Variants in CHD6 observed in about 807,000 individuals in gnomAD.
CHD6 encodes chromodomain helicase DNA binding protein 6, also known as ATP-dependent chromatin remodeler CHD6.
In CHD6, 50 loss-of-function variants were observed where a neutral mutation model predicts 276.9. That is an observed-to-expected ratio of 0.18 (90% confidence interval 0.14 to 0.23). The LOEUF (loss-of-function observed/expected upper bound fraction) is 0.23, where lower values mean the gene tolerates loss of function less well. Among genes scored for constraint, CHD6 ranks in the 10% least tolerant of loss-of-function variants. CHD6 has a pLI of 1.00. For synonymous variants in CHD6, 1,173 were observed against 1,229.3 expected, an observed-to-expected ratio of 0.95 and a Z score of 0.96; for missense variants, 2,564 against 3,365.8, an observed-to-expected ratio of 0.76 and a Z score of 5.89.
At chr20:41,464,441 A>T (rs1463412493) in intron 17 of CHD6, among the ~76,000 whole-genome samples, 3 of 152,208 alleles carry the variant, frequency 2.0e-5, no homozygotes, top group Non-Finnish European at 4.4e-5. Context: ...GCAATTCTAA[A>T]ACTACTTGAT....
At chr20:41,457,538 G>A in intron 17 of CHD6, 110 bp from the exon 18 acceptor site, 1 of 1,269,334 alleles carries the variant, frequency 7.9e-7, no homozygotes. Flanking sequence ...CCAACTCTCG[G>A]TTACAAGTAA....
rs773881880 is a variant in CHD6 at position 41,421,687 on chromosome 20, T to C, written c.4948A>G (p.Arg1650Gly). ...YESLTYSQMS[R>G]TSESLENEPE... is the part of the protein sequence containing the mutation. Reference sequence around the variant, plus strand: ...TCATTTTCAAGGGACTCTGAAGTCCTACTCATTTGAGAATATGTAAGAGAT... The same window carrying C: ...TCATTTTCAAGGGACTCTGAAGTCCCACTCATTTGAGAATATGTAAGAGAT... Residue 1650 changes from arginine (R) to glycine (G), a missense_variant, in exon 31 of 37, where the codon AGG becomes GGG. This residue lies in a region of CHD6 where 1,024 missense variants were observed against 1,047.9 expected (regional missense o/e 0.98). Coordinates refer to ENST00000373233, the MANE Select transcript of CHD6 (RefSeq NM_032221.5). 3.7e-6 allele frequency: 6 copies of C among 1,613,844 alleles called. No individual in the cohort carries two copies. Among genetic ancestry groups the C allele is most frequent in the Non-Finnish European group, 5.1e-6 (6 of 1,179,776 alleles).
Position 41,420,860 on chromosome 20 carries a change from C to T in CHD6, c.5775G>A (p.Gly1925=). 6.2e-7 allele frequency: 1 copy of T among 1,614,188 alleles called. No homozygotes were observed. Among genetic ancestry groups the T allele is most frequent in the Non-Finnish European group, 8.5e-7 (1 of 1,180,022 alleles). The change falls in exon 31 of 37, where the codon GGG becomes GGA. Residue 1925 remains glycine, a synonymous_variant. Transcript: ENST00000373233. ...CTGGAGCGGGGAAAGCCCTCTGTAG[C>T]CCAGGAGTCTGGTTTGCCACCTCTA... ...GSLEVANQTP[G]LQRAFPAPAA...
intron 5 of CHD6, among the ~76,000 whole-genome samples, chr20:41,504,716 A>G (rs940802740): frequency 3.9e-5 from 6 of 151,904 alleles, no homozygotes; most frequent in African/African-American, 9.7e-5. Context: ...GGCGCCCTCT[A>G]TTTTCTTTAA....
intron 1 of CHD6, among the ~76,000 whole-genome samples, chr20:41,596,215 T>C (rs914844955): frequency 6.6e-6 from 1 of 152,144 alleles, no homozygotes; most frequent in African/African-American, 2.4e-5. Flanking sequence ...CAACTTCCCT[T>C]TCCTCTCCTA....
intron 27 of CHD6, among the ~76,000 whole-genome samples, chr20:41,434,623 G>A (rs935058120): frequency 5.3e-5 from 8 of 152,124 alleles, no homozygotes; most frequent in African/African-American, 1.9e-4. Flanking sequence ...GCCTTCTTTG[G>A]CCTCCCAAAG....
chr20:41,565,736 G>A lies in CHD6; in HGVS notation c.-23-14376C>T, dbSNP rs568678778. Among the ~76,000 whole-genome samples the A allele has an allele frequency of 7.2e-5, 11 of 152,278 alleles. 1 individual carries two copies. In the South Asian group the frequency reaches 2.1e-3, roughly 29 times the overall value. On this transcript the variant is annotated intron_variant, in intron 1 of 36. Coordinates refer to ENST00000373233, the MANE Select transcript of CHD6 (RefSeq NM_032221.5). ...CTTGCAGACAAATGAAAATAATAAAGTGAGAGATCAGGACTGGAAATGTTC... is the reference window on the plus strand; with the variant it reads ...CTTGCAGACAAATGAAAATAATAAAATGAGAGATCAGGACTGGAAATGTTC...
At chr20:41,449,135 T>A (rs1473549626) in intron 23 of CHD6, among the ~76,000 whole-genome samples, 2 of 152,192 alleles carry the variant, frequency 1.3e-5, no homozygotes, top group African/African-American at 4.8e-5. Flanking sequence ...ACTCCTGATC[T>A]CAGGTGATTC....
Position 41,490,808 on chromosome 20 carries a change from G to A in CHD6, c.1437-787C>T, listed in dbSNP as rs570165664. Among the ~76,000 whole-genome samples, 7 of 152,060 alleles carry A rather than the reference G, an allele frequency of 4.6e-5. No individual in the cohort carries two copies. The South Asian group carries it at 1.5e-3, about 32-fold the overall frequency. ...AGCATGGGTGACAGAGCGAGGCTCTGTCTCAACAAAAATAAAAAATAAAAA... is the reference window on the plus strand; with the variant it reads ...AGCATGGGTGACAGAGCGAGGCTCTATCTCAACAAAAATAAAAAATAAAAA... On this transcript the variant is annotated intron_variant, in intron 11 of 36. Coordinates refer to ENST00000373233, the MANE Select transcript of CHD6 (RefSeq NM_032221.5).
chr20:41,602,332 C>T (rs1184983373), intron 1 of CHD6, among the ~76,000 whole-genome samples: 1 of 152,214 alleles, frequency 6.6e-6, no homozygotes, highest in African/African-American at 2.4e-5. Flanking sequence ...GGGATGCTGG[C>T]ACCACAAACC....
rs926388130 is a variant in CHD6 at position 41,445,519 on chromosome 20, C to T, written c.3877+146G>A. 38 of 593,128 alleles carry T rather than the reference C, an allele frequency of 6.4e-5. No individual in the cohort carries two copies. In the Admixed American group the frequency reaches 1.1e-3, roughly 17 times the overall value. The allele number at this position is 593,128 out of a possible 1,614,324, so 36.7% of individuals were successfully genotyped here. A position where few individuals can be genotyped will look rare whatever the true frequency, so the allele number is the denominator to read the frequency against. On this transcript the variant is annotated intron_variant, in intron 25 of 36. Coordinates refer to ENST00000373233, the MANE Select transcript of CHD6 (RefSeq NM_032221.5). ...TCATCTGGTGGAAATTCCAAGAGGG[C>T]AGCTGTGAAGCTCTACTTTTTAAGA...
In CHD6 at chr20:41,517,470, A is replaced by C. The variant is rs1285523125; in HGVS notation, c.555-2518T>G. ...ACAAAACTATTTTGATCCAACCTAAAGAACTGAAACTCTAGGGGTCATGCC... is the reference window on the plus strand; with the variant it reads ...ACAAAACTATTTTGATCCAACCTAACGAACTGAAACTCTAGGGGTCATGCC... On this transcript the variant is annotated intron_variant, in intron 3 of 36. Transcript: ENST00000373233. 2.0e-5 allele frequency among the ~76,000 whole-genome samples: 3 copies of C among 152,192 alleles called. No individual in the cohort carries two copies. The South Asian group carries it at 6.2e-4, about 31-fold the overall frequency.
rs551393610 is a variant in CHD6, at chr20:41,527,698, T to C, written c.554+5352A>G. Among the ~76,000 whole-genome samples, 9 of 152,268 alleles carry C rather than the reference T, an allele frequency of 5.9e-5. No homozygotes were observed. The East Asian group carries it at 1.5e-3, about 26-fold the overall frequency. On this transcript the variant is annotated intron_variant, in intron 3 of 36. Transcript: ENST00000373233. ...ATTTAGAAGCATTAGATGCAAAAAC[T>C]GTTGTTGAGCACAGATCTACTGCAT...
intron 1 of CHD6, among the ~76,000 whole-genome samples, chr20:41,613,123 C>A (rs955534177): frequency 2.0e-5 from 3 of 152,044 alleles, no homozygotes; most frequent in South Asian, 4.1e-4. Context: ...TAAAAATAAG[C>A]TTTTATGTTC....
chr20:41,503,961 A>G (rs2043904229), intron 5 of CHD6, among the ~76,000 whole-genome samples: 1 of 151,102 alleles, frequency 6.6e-6, no homozygotes, highest in Admixed American at 6.6e-5. Flanking sequence ...ACCTGTAATC[A>G]CATCTACTTG....
chr20:41,585,511 C>CA (rs60920576), intron 1 of CHD6, among the ~76,000 whole-genome samples: 2,076 of 73,910 alleles, frequency 0.028, 32 homozygotes, highest in Non-Finnish European at 0.04. Context: ...TCCGTCTCAC[C>CA]AAAAAAAAAA....
intron 1 of CHD6, among the ~76,000 whole-genome samples, chr20:41,608,193 A>G (rs2045849975): frequency 6.6e-6 from 1 of 152,236 alleles, no homozygotes; most frequent in Non-Finnish European, 1.5e-5. Flanking sequence ...AAAATAAAGC[A>G]AAGGTTAATT....
chr20:41,459,661 G>A (rs1401974045), intron 17 of CHD6, among the ~76,000 whole-genome samples: 2 of 152,162 alleles, frequency 1.3e-5, no homozygotes, highest in African/African-American at 2.4e-5. Flanking sequence ...TCTTGCCGCC[G>A]CCATGTAAGA....
chr20:41,481,278 C>T (rs2043289955), intron 16 of CHD6, among the ~76,000 whole-genome samples: 1 of 151,308 alleles, frequency 6.6e-6, no homozygotes, highest in South Asian at 2.1e-4. Context: ...AAATTTAGGA[C>T]ATCAAAAAAT....
Sources: allele counts gnomAD v4.1 joint callset (sites outside exome capture counted in the v4.1 genomes callset), GRCh38; gene constraint gnomAD v4.1.1; regional missense constraint gnomAD v4.1.1; transcripts MANE v1.5; gene names NCBI Gene and HGNC (gene_info 2026-07-23, HGNC 2026-07-21).